The following LPIN2 variants were observed in gnomAD, a reference collection of about 807,000 sequenced individuals.
LPIN2 encodes the protein lipin 2.
LPIN2 carries 55 observed loss-of-function variants against 111.4 expected under a neutral mutation model. The observed-to-expected ratio is 0.49, with a 90% CI of 0.40 to 0.62. The LOEUF (loss-of-function observed/expected upper bound fraction) is 0.62, where lower values mean the gene tolerates loss of function less well. Ranked by LOEUF, LPIN2 falls within the 20% of genes least tolerant of loss-of-function variation. The pLI, the probability that LPIN2 is intolerant of heterozygous loss-of-function variation, is 0.00. For synonymous variants in LPIN2, 425 were observed against 414.0 expected (o/e 1.03, Z -0.32); for missense variants, 992 against 1,112.1 (o/e 0.89, Z 1.54).
chr18:2,923,379 C>A (rs943878726), intron 16 of LPIN2, among the ~76,000 whole-genome samples: 1 of 128,396 alleles, frequency 7.8e-6, no homozygotes, highest in East Asian at 2.3e-4. Flanking sequence ...AAGGTCGCGC[C>A]ATTGCACTTC....
intron 17 of LPIN2, 72 bp downstream of exon 17, chr18:2,921,975 T>TC: frequency 3.3e-6 from 5 of 1,528,318 alleles, no homozygotes; most frequent in Non-Finnish European, 2.6e-6. Context: ...TTCCCACACA[T>TC]CCCCCCACCT....
intron 1 of LPIN2, among the ~76,000 whole-genome samples, chr18:2,976,032 C>T (rs1028369412): frequency 6.6e-6 from 1 of 152,152 alleles, no homozygotes; most frequent in Non-Finnish European, 1.5e-5. Context: ...CAAATTACAG[C>T]CCCAGACTGG....
chr18:3,005,338 C>T (rs2078496369), intron 1 of LPIN2, among the ~76,000 whole-genome samples: 1 of 148,876 alleles, frequency 6.7e-6, no homozygotes, highest in Non-Finnish European at 1.5e-5. Context: ...GGTGACAGAG[C>T]AAGACTCCGT....
chr18:2,958,161 CA>C (rs1017981496), intron 2 of LPIN2, among the ~76,000 whole-genome samples: 1 of 44,712 alleles, frequency 2.2e-5, no homozygotes, highest in Admixed American at 3.5e-4. Context: ...AAAAAAACAA[CA>C]AAAAAAAAAA....
At chr18:2,943,431 T>TGC (rs892611455) in intron 4 of LPIN2, among the ~76,000 whole-genome samples, 5 of 51,438 alleles carry the variant, frequency 9.7e-5, no homozygotes, top group Non-Finnish European at 2.3e-4. Context: ...AAAAGCTGCG[T>TGC]GTGTGTGTGT....
intron 1 of LPIN2, chr18:2,982,697 A>G: frequency 5.4e-6 from 7 of 1,303,466 alleles, no homozygotes; most frequent in South Asian, 1.2e-5. Flanking sequence ...TTGTCATGGT[A>G]AACATCTTGA....
chr18:3,011,387 G>A (rs1438602916), intron 1 of LPIN2, among the ~76,000 whole-genome samples: 3 of 151,518 alleles, frequency 2.0e-5, no homozygotes, highest in African/African-American at 7.3e-5. Context: ...AGTTGGGCAT[G>A]GAGATACCTT....
chr18:2,932,814 G>A (rs2077229924), intron 8 of LPIN2, among the ~76,000 whole-genome samples: 1 of 152,180 alleles, frequency 6.6e-6, no homozygotes, highest in Non-Finnish European at 1.5e-5. Context: ...TATGGGGATG[G>A]GAGAGCCTCA....
chr18:3,010,893 C>T (rs896632388), intron 1 of LPIN2, among the ~76,000 whole-genome samples: 11 of 152,184 alleles, frequency 7.2e-5, no homozygotes, highest in Non-Finnish European at 8.8e-5. Context: ...ACCTCTAACA[C>T]GTGGCACCAC....
Position 2,966,677 on chromosome 18 carries a change from C to T in LPIN2, c.-9-5828G>A, listed in dbSNP as rs146133808. 2.1e-3 allele frequency among the ~76,000 whole-genome samples: 314 copies of T among 152,226 alleles called. 2 individuals carry two copies. The highest frequency in any genetic ancestry group is 6.8e-3 in the African/African-American group (283 of 41,524). On this transcript the variant is annotated intron_variant, in intron 1 of 19. Transcript: ENST00000677752. The stretch of plus-strand genomic sequence containing the variant: ...ATCTGAGTATCATTTTTACTTAATG[C>T]GACTTGACTACTTAAAGATGAAATG...
At chr18:2,964,904 C>T (rs1481887654) in intron 1 of LPIN2, among the ~76,000 whole-genome samples, 4 of 152,136 alleles carry the variant, frequency 2.6e-5, no homozygotes, top group Admixed American at 2.0e-4. Context: ...CATTCTTGTT[C>T]CTTAAAATAT....
At position 2,937,943 on chromosome 18, in the gene LPIN2, T is replaced by C. The variant is rs2077312999; in HGVS notation, c.917A>G (p.Asn306Ser). The C allele has an allele frequency of 6.2e-7, 1 of 1,614,002 alleles. No individual in the cohort carries two copies. The change falls in exon 7 of 20, where the codon AAC (asparagine) becomes AGC (serine). Residue 306 changes from asparagine to serine, a missense_variant. Physicochemically the swap from Asn to Ser is conservative, Grantham distance 46 (BLOSUM62 1). This residue lies in a region of LPIN2 where 709 missense variants were observed against 753.2 expected (regional missense o/e 0.94). Coordinates refer to ENST00000677752, the MANE Select transcript of LPIN2 (RefSeq NM_001375808.2). ...THFRVIPSED[N>S]LISEVEKDAS... The stretch of plus-strand genomic sequence containing the variant: ...ATCCTTCTCAACTTCACTGATGAGG[T>C]TGTCCTCACTGGGAATTACCCGAAA...
chr18:2,977,089 T>A (rs751068505), intron 1 of LPIN2: 1 of 151,516 alleles, frequency 6.6e-6, no homozygotes, highest in African/African-American at 2.4e-5. Context: ...GTACCTGAGG[T>A]CCTAGCTCCT....
intron 1 of LPIN2, among the ~76,000 whole-genome samples, chr18:3,007,616 C>T (rs919306316): frequency 3.9e-5 from 6 of 152,012 alleles, no homozygotes; most frequent in African/African-American, 1.5e-4. Flanking sequence ...CCCTATAATG[C>T]TTCAACTAAG....
At chr18:2,981,235 G>GGA (rs1331094996) in intron 1 of LPIN2, among the ~76,000 whole-genome samples, 3 of 152,110 alleles carry the variant, frequency 2.0e-5, no homozygotes, top group Non-Finnish European at 4.4e-5. Context: ...CTGAAAACCA[G>GGA]GGTTCTCCCT....
At chr18:2,939,397 T>TC in intron 6 of LPIN2, 83 bp downstream of exon 6, 1 of 1,540,100 alleles carries the variant, frequency 6.5e-7, no homozygotes, top group Non-Finnish European at 9.0e-7. Context: ...CAGTCAGAAA[T>TC]TGCCTCCTTT....
intron 1 of LPIN2, among the ~76,000 whole-genome samples, chr18:2,994,793 C>T (rs1053036145): frequency 1.3e-5 from 2 of 152,108 alleles, no homozygotes; most frequent in Non-Finnish European, 2.9e-5. Context: ...TGAATGTCCC[C>T]GGCGGCGGGT....
chr18:2,920,528 T>C, intron 19 of LPIN2, 91 bp from the exon 20 acceptor site: 1 of 1,435,160 alleles, frequency 7.0e-7, no homozygotes, highest in Non-Finnish European at 9.8e-7. Context: ...TCACTCAGAT[T>C]GCTCAGGTGG....
chr18:2,920,510 T>C lies in LPIN2; in HGVS notation c.2547-73A>G. 4 of 1,542,906 alleles carry C rather than the reference T, an allele frequency of 2.6e-6. No individual in the cohort carries two copies. The South Asian group carries it at 4.5e-5, about 17-fold the overall frequency. ...GTCAAAGGCACAAGATGGGGGGCTG[T>C]GAAGCTGTCACTCAGATTGCTCAGG... is the stretch of plus-strand genomic sequence containing the variant. On this transcript the variant is annotated intron_variant, in intron 19 of 19. Coordinates refer to ENST00000677752, the MANE Select transcript of LPIN2 (RefSeq NM_001375808.2).
Sources: allele counts gnomAD v4.1 joint callset (sites outside exome capture counted in the v4.1 genomes callset), GRCh38; gene constraint gnomAD v4.1.1; regional missense constraint gnomAD v4.1.1; transcripts MANE v1.5; gene names NCBI Gene and HGNC (gene_info 2026-07-23, HGNC 2026-07-21).